RNF220: variants seen among roughly 807,000 people sequenced by gnomAD.
RNF220 encodes the protein ring finger protein 220.
A neutral mutation model predicts 67.1 loss-of-function variants in RNF220; 7 were observed. The observed-to-expected ratio is 0.10, with a 90% CI of 0.06 to 0.20. The LOEUF (loss-of-function observed/expected upper bound fraction) is 0.20. Among genes scored for constraint, RNF220 ranks in the 10% least tolerant of loss-of-function variants. The pLI, the probability that RNF220 is intolerant of heterozygous loss-of-function variation, is 1.00. For missense variants in RNF220, 565 were observed against 740.3 expected (o/e 0.76, Z 2.75); for synonymous variants, 270 against 283.2 (o/e 0.95, Z 0.47).
At chr1:44,409,501 A>G (rs767965894) in intron 1 of RNF220, among the ~76,000 whole-genome samples, 2 of 152,184 alleles carry the variant, frequency 1.3e-5, no homozygotes, top group Non-Finnish European at 2.9e-5. Flanking sequence ...ATTACTTCCT[A>G]TTGATCCCTT....
chr1:44,590,723 A>G (rs1015627896), intron 2 of RNF220, among the ~76,000 whole-genome samples: 5 of 152,306 alleles, frequency 3.3e-5, no homozygotes, highest in East Asian at 3.9e-4. Context: ...GGGAGGATTC[A>G]TTCACCTTCC....
At chr1:44,504,400 T>A (rs1658225662) in intron 2 of RNF220, among the ~76,000 whole-genome samples, 1 of 152,200 alleles carries the variant, frequency 6.6e-6, no homozygotes, top group Non-Finnish European at 1.5e-5. Context: ...GACCCCGTTA[T>A]CTGGGATGTC....
chr1:44,583,622 C>G (rs1000183746), intron 2 of RNF220, among the ~76,000 whole-genome samples: 2 of 152,220 alleles, frequency 1.3e-5, no homozygotes, highest in African/African-American at 4.8e-5. Flanking sequence ...AAGAACATCA[C>G]TTCTGTGATG....
At chr1:44,585,474 A>C (rs963766456) in intron 2 of RNF220, among the ~76,000 whole-genome samples, 3 of 152,202 alleles carry the variant, frequency 2.0e-5, no homozygotes, top group Admixed American at 1.3e-4. Flanking sequence ...CACTCCGTTA[A>C]CCATGGCTGT....
At chr1:44,468,309 A>G (rs1376099150) in intron 2 of RNF220, among the ~76,000 whole-genome samples, 5 of 152,106 alleles carry the variant, frequency 3.3e-5, no homozygotes, top group African/African-American at 1.2e-4. Context: ...TTCAACCTCT[A>G]TGGAGGGCAA....
chr1:44,625,204 A>T (rs1643904461), intron 4 of RNF220, among the ~76,000 whole-genome samples: 1 of 152,216 alleles, frequency 6.6e-6, no homozygotes, highest in African/African-American at 2.4e-5. Flanking sequence ...TGGGTCACCC[A>T]TGAGGCCTCC....
At chr1:44,520,640 T>C (rs143799797) in intron 2 of RNF220, among the ~76,000 whole-genome samples, 3 of 152,338 alleles carry the variant, frequency 2.0e-5, no homozygotes, top group Non-Finnish European at 4.4e-5. Flanking sequence ...AAGCCTTCCC[T>C]ACTGCTCTTC....
At chr1:44,520,616 A>T (rs1659857834) in intron 2 of RNF220, among the ~76,000 whole-genome samples, 1 of 152,212 alleles carries the variant, frequency 6.6e-6, no homozygotes, top group Admixed American at 6.5e-5. Flanking sequence ...ATCTTAAAGT[A>T]AAACTTCAAG....
intron 8 of RNF220, among the ~76,000 whole-genome samples, chr1:44,639,483 C>T (rs1644426500): frequency 2.0e-5 from 3 of 152,232 alleles, no homozygotes; most frequent in African/African-American, 2.4e-5. Context: ...TCCCAGGAAG[C>T]TTCACAGGAA....
At chr1:44,547,503 C>T (rs1406315456) in intron 2 of RNF220, among the ~76,000 whole-genome samples, 1 of 152,152 alleles carries the variant, frequency 6.6e-6, no homozygotes, top group Non-Finnish European at 1.5e-5. Context: ...TCCTGGTTCT[C>T]CTTGCAGACA....
At chr1:44,554,802 C>A (rs1019904309) in intron 2 of RNF220, among the ~76,000 whole-genome samples, 1 of 152,130 alleles carries the variant, frequency 6.6e-6, no homozygotes, top group Admixed American at 6.5e-5. Flanking sequence ...TCACCACCCA[C>A]CTTTTCACTC....
At chr1:44,458,336 G>GTTTTTTTTT (rs57080249) in intron 2 of RNF220, among the ~76,000 whole-genome samples, 1 of 141,186 alleles carries the variant, frequency 7.1e-6, no homozygotes, top group Non-Finnish European at 1.5e-5. Context: ...GATTTTTCCA[G>GTTTTTTTTT]TTTTTTTTTT....
intron 2 of RNF220, among the ~76,000 whole-genome samples, chr1:44,490,107 A>G (rs1656717246): frequency 6.6e-6 from 1 of 152,230 alleles, no homozygotes; most frequent in African/African-American, 2.4e-5. Flanking sequence ...CCAGTTGAGT[A>G]GCAAAATATG....
chr1:44,536,340 A>G (rs565986819), intron 2 of RNF220, among the ~76,000 whole-genome samples: 1 of 152,376 alleles, frequency 6.6e-6, no homozygotes, highest in East Asian at 1.9e-4. Context: ...TGCTTTAGGA[A>G]TAAGGCAGTG....
chr1:44,470,692 T>C (rs1394281038), intron 2 of RNF220, among the ~76,000 whole-genome samples: 1 of 152,216 alleles, frequency 6.6e-6, no homozygotes, highest in Non-Finnish European at 1.5e-5. Flanking sequence ...ATGTCCACAC[T>C]GTGAACCTCA....
chr1:44,420,671 T>C (rs979685266), intron 2 of RNF220, among the ~76,000 whole-genome samples: 1 of 152,210 alleles, frequency 6.6e-6, no homozygotes, highest in Non-Finnish European at 1.5e-5. Context: ...GTTTGGCCTC[T>C]GGAGTTAAGT....
At chr1:44,440,690 A>G (rs1651457693) in intron 2 of RNF220, among the ~76,000 whole-genome samples, 1 of 152,198 alleles carries the variant, frequency 6.6e-6, no homozygotes, top group Non-Finnish European at 1.5e-5. Flanking sequence ...CAGACTTCAG[A>G]AAGCTCTACC....
chr1:44,610,824 A>T (rs959847516), intron 2 of RNF220, among the ~76,000 whole-genome samples: 16 of 152,252 alleles, frequency 1.1e-4, no homozygotes, highest in African/African-American at 3.9e-4. Context: ...GCTTCCTCCC[A>T]AGCCTAGGAA....
rs191122428 is a variant in RNF220 at position 44,550,759 on chromosome 1, G to A, written c.626-63406G>A. On this transcript the variant is annotated intron_variant, in intron 2 of 14. Transcript: ENST00000361799. ...TGAATGAAGGTTTCCAGCCCGTTTAGTTCTGAGTGTATGTGTAGCTTCAGC... is the reference window on the plus strand; with the variant it reads ...TGAATGAAGGTTTCCAGCCCGTTTAATTCTGAGTGTATGTGTAGCTTCAGC... 3.9e-4 allele frequency among the ~76,000 whole-genome samples: 60 copies of A among 152,264 alleles called. 1 individual carries two copies. The highest frequency in any genetic ancestry group is 1.3e-4 in the Non-Finnish European group (9 of 68,020).
Sources: allele counts gnomAD v4.1 joint callset (sites outside exome capture counted in the v4.1 genomes callset), GRCh38; gene constraint gnomAD v4.1.1; transcripts MANE v1.5; gene names NCBI Gene and HGNC (gene_info 2026-07-23, HGNC 2026-07-21).